Variants in ATG7 observed in about 807,000 individuals in gnomAD.
ATG7 encodes the protein ubiquitin-like modifier-activating enzyme ATG7.
Under a neutral mutation model 82.4 loss-of-function variants are expected in ATG7, and 70 were observed. The observed-to-expected ratio is 0.85, with a 90% CI of 0.70 to 1.04. The LOEUF (loss-of-function observed/expected upper bound fraction) is 1.04, where lower values mean the gene tolerates loss of function less well. Among genes scored for constraint, ATG7 ranks in the 50% least tolerant of loss-of-function variants. The probability of loss-of-function intolerance (pLI) is 0.00; values close to 1 mark genes in which losing one functional copy is unlikely to be tolerated. For synonymous variants in ATG7, 287 were observed against 313.0 expected (o/e 0.92, Z 0.88); for missense variants, 792 against 864.3 (o/e 0.92, Z 1.05).
intron 20 of ATG7, among the ~76,000 whole-genome samples, chr3:11,513,346 G>C (rs2092147734): frequency 6.6e-6 from 1 of 152,266 alleles, no homozygotes; most frequent in Non-Finnish European, 1.5e-5. Context: ...ACGGGAGGCA[G>C]AGGCTCAGGC....
At chr3:11,565,032 A>C in the ATG7 span, 27 of 1,469,092 alleles carry the variant, frequency 1.8e-5, no homozygotes, top group Middle Eastern at 1.8e-4. This position sits in a 1 kb window ranked among gnomAD's most constrained non-coding sequence, Gnocchi z 4.1. Context: ...GAAAAAGAGG[A>C]ATGGGCATTC....
At chr3:11,405,619 CT>C (rs773399891) in intron 19 of ATG7, among the ~76,000 whole-genome samples, 13 of 151,658 alleles carry the variant, frequency 8.6e-5, no homozygotes, top group Admixed American at 3.3e-4. Context: ...TGTAGCATTT[CT>C]TTTTTTTTAT....
chr3:11,564,704 A>G, the ATG7 span: 1 of 1,427,790 alleles, frequency 7.0e-7, no homozygotes, highest in Non-Finnish European at 9.4e-7. Flanking sequence ...CTCCCTCACC[A>G]CCGCCCTCGG....
intron 20 of ATG7, among the ~76,000 whole-genome samples, chr3:11,548,975 A>G (rs1456031511): frequency 6.6e-6 from 1 of 152,190 alleles, no homozygotes; most frequent in Non-Finnish European, 1.5e-5. Flanking sequence ...GTGTGTCACC[A>G]GGGAGGTATG....
At chr3:11,360,828 C>G (rs749900686) in intron 16 of ATG7, 44 bp downstream of exon 16, 1 of 1,598,240 alleles carries the variant, frequency 6.3e-7, no homozygotes, top group South Asian at 1.1e-5. Context: ...CTATCACCAA[C>G]TTGTACACTG....
At position 11,555,713 on chromosome 3, in the gene ATG7, C is replaced by T. The variant is rs1391299299; in HGVS notation, c.*870C>T. ...GGTAACTCAGGCAAGAGCTGGTTTT[C>T]CTCTTTATTCTGGGTGTGTGCAGCT... On this transcript the variant is annotated 3_prime_UTR_variant, in exon 21 of 21. Coordinates refer to ENST00000693202, the MANE Select transcript of ATG7 (RefSeq NM_001349232.2). 6.6e-6 allele frequency: 1 copy of T among 152,276 alleles called. No individual in the cohort carries two copies. Among genetic ancestry groups the T allele is most frequent in the African/African-American group, 2.4e-5 (1 of 41,394 alleles). 9.4% of individuals were successfully genotyped at this position (152,276 alleles called of 1,614,324 possible).
intron 18 of ATG7, among the ~76,000 whole-genome samples, 190 bp downstream of exon 18, chr3:11,364,924 C>A (rs1424948337): frequency 6.6e-6 from 1 of 152,192 alleles, no homozygotes; most frequent in African/African-American, 2.4e-5. Flanking sequence ...GGGAGGAAAT[C>A]ACGAACGAGA....
intron 20 of ATG7, among the ~76,000 whole-genome samples, chr3:11,472,725 C>T (rs1380956204): frequency 2.0e-5 from 3 of 152,106 alleles, no homozygotes; most frequent in Admixed American, 6.5e-5. Flanking sequence ...ATGCCTACCT[C>T]CCAGGACTTT....
chr3:11,393,247 A>G (rs999128284), intron 19 of ATG7, among the ~76,000 whole-genome samples: 1 of 152,178 alleles, frequency 6.6e-6, no homozygotes, highest in Non-Finnish European at 1.5e-5. Flanking sequence ...TATTGTTTTC[A>G]TCGGAAAAAT....
intron 19 of ATG7, among the ~76,000 whole-genome samples, chr3:11,417,958 C>CTATGT (rs1475266264): frequency 6.7e-6 from 1 of 149,404 alleles, no homozygotes; most frequent in Non-Finnish European, 1.5e-5. Context: ...CAGGCACCCA[C>CTATGT]CACCATTCTT....
chr3:11,559,424 G>A, downstream of ATG7: 1 of 1,566,032 alleles, frequency 6.4e-7, no homozygotes, highest in South Asian at 1.2e-5. Flanking sequence ...GCGGGCGCCA[G>A]CCGAGGCACA....
chr3:11,563,801 T>C, the ATG7 span, among the ~76,000 whole-genome samples: 3 of 152,198 alleles, frequency 2.0e-5, no homozygotes, highest in Non-Finnish European at 4.4e-5. Context: ...AGGATTACCA[T>C]GTCAGGCTCT....
At chr3:11,571,243 G>A in the ATG7 span, among the ~76,000 whole-genome samples, 7 of 152,054 alleles carry the variant, frequency 4.6e-5, no homozygotes, top group African/African-American at 1.2e-4. Context: ...CCTTCTATGC[G>A]TCAGCAACTA....
At chr3:11,515,849 A>G (rs2092261881) in intron 20 of ATG7, among the ~76,000 whole-genome samples, 1 of 152,160 alleles carries the variant, frequency 6.6e-6, no homozygotes, top group Non-Finnish European at 1.5e-5. Flanking sequence ...AGTCTAAACC[A>G]CAAGAGAAGT....
intron 20 of ATG7, among the ~76,000 whole-genome samples, chr3:11,457,386 G>GAC (rs1244156300): frequency 6.6e-6 from 1 of 152,096 alleles, no homozygotes; most frequent in African/African-American, 2.4e-5. Flanking sequence ...TTTGAGTAAT[G>GAC]ACACACACAA....
At chr3:11,570,435 G>A in the ATG7 span, among the ~76,000 whole-genome samples, 32 of 152,204 alleles carry the variant, frequency 2.1e-4, no homozygotes, top group African/African-American at 7.2e-4. Flanking sequence ...AGCTTCTGAA[G>A]CACAGCTCCC....
rs527596729 is a variant in ATG7 at position 11,444,928 on chromosome 3, A to G, written c.2079+18002A>G. 3.3e-5 allele frequency among the ~76,000 whole-genome samples: 5 copies of G among 152,342 alleles called. No homozygotes were observed. In the East Asian group the frequency reaches 9.6e-4, roughly 29 times the overall value. On this transcript the variant is annotated intron_variant, in intron 20 of 20. Coordinates refer to ENST00000693202, the MANE Select transcript of ATG7 (RefSeq NM_001349232.2). ...AACACACACTTCTAAAAGAAGACAT[A>G]CATGTGGCGAAAAAGCATATGTTAA...
chr3:11,494,570 T>C (rs1175108519), intron 20 of ATG7, among the ~76,000 whole-genome samples: 2 of 152,194 alleles, frequency 1.3e-5, no homozygotes, highest in Non-Finnish European at 2.9e-5. Flanking sequence ...AAGCTAGGAT[T>C]AGGAAGAAGT....
chr3:11,420,825 G>T (rs1164266185), intron 19 of ATG7, among the ~76,000 whole-genome samples: 1 of 146,214 alleles, frequency 6.8e-6, no homozygotes. Flanking sequence ...GCGCGATCTC[G>T]GCTCACTGCA....
Sources: allele counts gnomAD v4.1 joint callset (sites outside exome capture counted in the v4.1 genomes callset), GRCh38; gene constraint gnomAD v4.1.1; non-coding constraint Gnocchi (gnomAD v3.1); transcripts MANE v1.5; gene names NCBI Gene and HGNC (gene_info 2026-07-23, HGNC 2026-07-21).